PTPRN2: variants seen among roughly 807,000 people sequenced by gnomAD.
PTPRN2 encodes receptor-type tyrosine-protein phosphatase N2.
A neutral mutation model predicts 118.8 loss-of-function variants in PTPRN2; 74 were observed. That is an observed-to-expected ratio of 0.62 (90% CI 0.52 to 0.76). The LOEUF is 0.76. Among genes scored for constraint, PTPRN2 ranks in the 30% least tolerant of loss-of-function variants. The pLI is 0.00. For synonymous variants in PTPRN2, 641 were observed against 608.0 expected (o/e 1.05, Z -0.80); for missense variants, 1,481 against 1,394.4 (o/e 1.06, Z -0.99).
chr7:158,524,509 T>C (rs917839313), intron 1 of PTPRN2, among the ~76,000 whole-genome samples: 3 of 132,542 alleles, frequency 2.3e-5, no homozygotes, highest in African/African-American at 8.9e-5. Flanking sequence ...AGTGGAGTCG[T>C]CTGCCCTGGA....
chr7:158,251,794 C>T (rs765150296), intron 3 of PTPRN2, among the ~76,000 whole-genome samples: 216 of 152,108 alleles, frequency 1.4e-3, no homozygotes, highest in Non-Finnish European at 2.1e-3. Context: ...CCCTCATTAC[C>T]TCACATGCGT....
intron 11 of PTPRN2, among the ~76,000 whole-genome samples, chr7:157,911,669 T>G (rs1024587730): frequency 1.3e-5 from 2 of 152,214 alleles, no homozygotes; most frequent in African/African-American, 4.8e-5. Flanking sequence ...TGAAAAGAGA[T>G]AAAACATTAA....
chr7:158,573,487 TCTC>T (rs1828156974), intron 1 of PTPRN2, among the ~76,000 whole-genome samples: 1 of 152,002 alleles, frequency 6.6e-6, no homozygotes, highest in Non-Finnish European at 1.5e-5. Flanking sequence ...AGTGACCACT[TCTC>T]CTTTCTGACT....
Position 158,143,643 on chromosome 7 carries a change from T to C in PTPRN2, c.911-5128A>G, listed in dbSNP as rs558080010. ...ACACAGGCTCGGCTGCCCAGCGGCC[T>C]CCTCATCAGGTGAGTGGGGCAGGAG... On this transcript the variant is annotated intron_variant, in intron 6 of 22. Coordinates refer to ENST00000389418, the MANE Select transcript of PTPRN2 (RefSeq NM_002847.5). Among the ~76,000 whole-genome samples, 174 of 152,066 alleles carry C rather than the reference T, an allele frequency of 1.1e-3. 1 individual carries two copies. Among genetic ancestry groups the C allele is most frequent in the Non-Finnish European group, 2.0e-3 (139 of 67,996 alleles).
chr7:158,078,345 G>A (rs575317312), intron 11 of PTPRN2, among the ~76,000 whole-genome samples: 7 of 152,322 alleles, frequency 4.6e-5, no homozygotes, highest in East Asian at 1.9e-4. Context: ...GGTGGCAGGT[G>A]CAGGCAGCAC....
intron 14 of PTPRN2, among the ~76,000 whole-genome samples, chr7:157,653,131 C>T (rs1221894816): frequency 3.3e-5 from 5 of 152,188 alleles, no homozygotes; most frequent in African/African-American, 9.7e-5. Flanking sequence ...TGCAGCCGGC[C>T]TCTCCCACCT....
intron 13 of PTPRN2, among the ~76,000 whole-genome samples, chr7:157,680,709 G>C (rs1220655267): frequency 6.6e-6 from 1 of 152,158 alleles, no homozygotes; most frequent in Non-Finnish European, 1.5e-5. Flanking sequence ...CTTCCCTAAA[G>C]GGCATTTTGT....
intron 1 of PTPRN2, among the ~76,000 whole-genome samples, chr7:158,562,530 T>C (rs767977238): frequency 1.9e-4 from 29 of 152,090 alleles, no homozygotes; most frequent in Non-Finnish European, 3.4e-4. Context: ...GCAGAGGAAA[T>C]GCAAATCAAT....
rs556653015 is a variant in PTPRN2 at position 158,056,948 on chromosome 7, G to A, written c.1723+24350C>T. ...CGTGGCATTCCAGGCTCACAATGTC[G>A]CCCTTATCCGATGATCAGCCACCTC... On this transcript the variant is annotated intron_variant, in intron 11 of 22. Coordinates refer to ENST00000389418, the MANE Select transcript of PTPRN2 (RefSeq NM_002847.5). Among the ~76,000 whole-genome samples, 12 of 152,262 alleles carry A rather than the reference G, an allele frequency of 7.9e-5. No individual in the cohort carries two copies. In the South Asian group the frequency reaches 1.2e-3, roughly 16 times the overall value.
chr7:158,018,256 G>T (rs191754271), intron 11 of PTPRN2, among the ~76,000 whole-genome samples: 23 of 152,318 alleles, frequency 1.5e-4, no homozygotes, highest in Non-Finnish European at 2.9e-4. Context: ...CACAGGCGCC[G>T]CTGGCCATAC....
chr7:158,565,799 T>G lies in PTPRN2; in HGVS notation c.112+21759A>C, dbSNP rs1827637123. On this transcript the variant is annotated intron_variant, in intron 1 of 22. Coordinates refer to ENST00000389418, the MANE Select transcript of PTPRN2 (RefSeq NM_002847.5). The surrounding 1 kb of genome is among the most constrained non-coding windows in gnomAD (Gnocchi z 4.6). ...GCACGTCTAGAGACTGTCCCACATC[T>G]CCAAACACAGATCTGCCTATTGTCT... 6.6e-6 allele frequency among the ~76,000 whole-genome samples: 1 copy of G among 152,116 alleles called. No homozygotes were observed. Among genetic ancestry groups the G allele is most frequent in the East Asian group, 1.9e-4 (1 of 5,178 alleles).
chr7:157,841,346 C>T (rs748016899), intron 12 of PTPRN2, among the ~76,000 whole-genome samples: 1 of 152,256 alleles, frequency 6.6e-6, no homozygotes, highest in Non-Finnish European at 1.5e-5. Flanking sequence ...CAGAGCCCCA[C>T]ATGGTGGGAA....
intron 6 of PTPRN2, among the ~76,000 whole-genome samples, chr7:158,149,610 C>T (rs939374890): frequency 6.6e-6 from 1 of 152,084 alleles, no homozygotes; most frequent in Non-Finnish European, 1.5e-5. Flanking sequence ...CGAGACCAGC[C>T]TGGCCAACAT....
intron 1 of PTPRN2, among the ~76,000 whole-genome samples, chr7:158,578,611 C>T (rs1315477834): frequency 6.6e-6 from 1 of 151,364 alleles, no homozygotes; most frequent in Non-Finnish European, 1.5e-5. Flanking sequence ...TTGAGTGATG[C>T]CGACTGTTGG....
At position 158,206,890 on chromosome 7, in the gene PTPRN2, G is replaced by A. The variant is rs1355316710; in HGVS notation, c.278-1617C>T. 6.7e-5 allele frequency among the ~76,000 whole-genome samples: 10 copies of A among 149,044 alleles called. No homozygotes were observed. In the South Asian group the frequency reaches 1.9e-3, roughly 29 times the overall value. The stretch of plus-strand genomic sequence containing the variant: ...AGTTACATACGTATACATGTGCCAT[G>A]CTGGTGTGCTGCACCCACTAACTCG... On this transcript the variant is annotated intron_variant, in intron 3 of 22. Coordinates refer to ENST00000389418, the MANE Select transcript of PTPRN2 (RefSeq NM_002847.5).
intron 12 of PTPRN2, among the ~76,000 whole-genome samples, chr7:157,692,841 C>A (rs1372152166): frequency 2.6e-5 from 4 of 152,126 alleles, no homozygotes; most frequent in Admixed American, 2.0e-4. Flanking sequence ...AAAACCCCCG[C>A]ACCCTGGCTC....
intron 3 of PTPRN2, among the ~76,000 whole-genome samples, chr7:158,274,652 G>A (rs182678441): frequency 1.6e-4 from 25 of 152,284 alleles, no homozygotes; most frequent in Non-Finnish European, 2.9e-4. Flanking sequence ...TGGAGGGGCC[G>A]CGTGGCTTCC....
chr7:158,050,299 A>G (rs139703052), intron 11 of PTPRN2, among the ~76,000 whole-genome samples: 104 of 152,324 alleles, frequency 6.8e-4, no homozygotes, highest in South Asian at 1.7e-3. Context: ...TCAATGAAAA[A>G]CTTAATTCAT....
chr7:158,071,583 C>CTGG (rs199604685), intron 11 of PTPRN2, among the ~76,000 whole-genome samples: 111 of 10,618 alleles, frequency 0.01, 15 homozygotes, highest in African/African-American at 0.039. Flanking sequence ...GGAGGTGCTC[C>CTGG]TGGTGGAGGT....
Sources: allele counts gnomAD v4.1 joint callset (sites outside exome capture counted in the v4.1 genomes callset), GRCh38; gene constraint gnomAD v4.1.1; non-coding constraint Gnocchi (gnomAD v3.1); transcripts MANE v1.5; gene names NCBI Gene and HGNC (gene_info 2026-07-23, HGNC 2026-07-21).